DSC2: variants seen among roughly 807,000 people sequenced by gnomAD.
The protein encoded by DSC2 is desmocollin-2.
Under a neutral mutation model 87.6 loss-of-function variants are expected in DSC2, and 51 were observed. The ratio of observed to expected loss-of-function variants is 0.58; its 90% CI spans 0.46 to 0.74. The LOEUF is 0.74. Ranked by LOEUF, DSC2 falls within the 30% of genes least tolerant of loss-of-function variation. The pLI is 0.00. For missense variants in DSC2, 1,066 were observed against 1,089.5 expected, an observed-to-expected ratio of 0.98 and a Z score of 0.30; for synonymous variants, 383 against 393.2, an observed-to-expected ratio of 0.97 and a Z score of 0.31.
chr18:31,079,188 T>G (rs1987120468), intron 11 of DSC2, among the ~76,000 whole-genome samples: 1 of 152,184 alleles, frequency 6.6e-6, no homozygotes, highest in Non-Finnish European at 1.5e-5. Context: ...TCCTACAAAG[T>G]GAACACTTTA....
intron 15 of DSC2, chr18:31,068,432 G>T: frequency 7.3e-7 from 1 of 1,360,852 alleles, no homozygotes; most frequent in Non-Finnish European, 1.1e-6. Flanking sequence ...CACGCATGTG[G>T]CAGCAAGTAT....
chr18:31,067,918 C>G lies in DSC2; in HGVS notation c.*97G>C. 9.0e-7 allele frequency: 1 copy of G among 1,113,388 alleles called. No individual in the cohort carries two copies. Among genetic ancestry groups the G allele is most frequent in the Non-Finnish European group, 1.3e-6 (1 of 756,750 alleles). The allele number at this position is 1,113,388 out of a possible 1,614,324, so 69.0% of individuals were successfully genotyped here. ...CCATCCAAATAATGAGAGAAAAACC[C>G]CCACAAATAGCATCTTCTGCTTTAA... On this transcript the variant is annotated 3_prime_UTR_variant, in exon 16 of 16. Transcript: ENST00000280904.
At chr18:31,072,955 C>G (rs1195496629) in intron 12 of DSC2, among the ~76,000 whole-genome samples, 1 of 152,152 alleles carries the variant, frequency 6.6e-6, no homozygotes, top group Non-Finnish European at 1.5e-5. Flanking sequence ...TGCATTATCT[C>G]ATTTACTCCC....
rs1192707077 is a variant in DSC2, at chr18:31,062,927, T to A, written c.*5088A>T. 1 of 152,228 alleles carries A rather than the reference T, an allele frequency of 6.6e-6. No individual in the cohort carries two copies. Among genetic ancestry groups the A allele is most frequent in the Non-Finnish European group, 1.5e-5 (1 of 68,040 alleles). 9.4% of individuals were successfully genotyped at this position (152,228 alleles called of 1,614,324 possible). ...AGTGCAGAATCTAACATACACCATG[T>A]CTATCATGTAAAATTTATGCCACAG... On this transcript the variant is annotated 3_prime_UTR_variant, in exon 16 of 16. Coordinates refer to ENST00000280904, the MANE Select transcript of DSC2 (RefSeq NM_024422.6).
rs753856534 is a variant in DSC2 at position 31,062,177 on chromosome 18, AC to A, written c.*5837del. On this transcript the variant is annotated 3_prime_UTR_variant, in exon 16 of 16. Transcript: ENST00000280904. ...CACATGAGCACGGTGGTTTCCTGTTACAGAATGTTCTCCCAGCCTAACATGG... is the reference window on the plus strand; with the variant it reads ...CACATGAGCACGGTGGTTTCCTGTTAAGAATGTTCTCCCAGCCTAACATGG... The A allele has an allele frequency of 7.2e-5, 11 of 152,192 alleles. No homozygotes were observed. The highest frequency in any genetic ancestry group is 1.5e-4 in the Non-Finnish European group (10 of 68,028). 9.4% of individuals were successfully genotyped at this position (152,192 alleles called of 1,614,324 possible). A position where few individuals can be genotyped will look rare whatever the true frequency, so the allele number is the denominator to read the frequency against.
At chr18:31,100,228 G>A (rs1987894076) in intron 1 of DSC2, among the ~76,000 whole-genome samples, 1 of 152,110 alleles carries the variant, frequency 6.6e-6, no homozygotes, top group African/African-American at 2.4e-5. Context: ...AAACTCCGAA[G>A]CTAAGGAAGA....
In DSC2 at chr18:31,102,369, C is replaced by G. The variant is rs1987998873; in HGVS notation, c.-398G>C. The G allele has an allele frequency of 5.8e-6, 1 of 171,516 alleles. No homozygotes were observed. Among genetic ancestry groups the G allele is most frequent in the Non-Finnish European group, 1.2e-5 (1 of 81,358 alleles). 10.6% of individuals were successfully genotyped at this position (171,516 alleles called of 1,614,324 possible). On this transcript the variant is annotated 5_prime_UTR_variant, in exon 1 of 16. Coordinates refer to ENST00000280904, the MANE Select transcript of DSC2 (RefSeq NM_024422.6). ...CATCTCCCCCACCACGCCCCGGTGTCCGCTCCGCCAGGCGAGATTAACAGC... is the reference window on the plus strand; with the variant it reads ...CATCTCCCCCACCACGCCCCGGTGTGCGCTCCGCCAGGCGAGATTAACAGC...
chr18:31,076,221 C>T (rs370061197), intron 11 of DSC2, among the ~76,000 whole-genome samples: 107 of 152,290 alleles, frequency 7.0e-4, no homozygotes, highest in African/African-American at 2.5e-3. Context: ...AGCACAGCAA[C>T]TAGACTCGTG....
At chr18:31,075,755 C>T (rs1043164659) in intron 11 of DSC2, among the ~76,000 whole-genome samples, 1 of 152,000 alleles carries the variant, frequency 6.6e-6, no homozygotes, top group Non-Finnish European at 1.5e-5. Context: ...GAGGTTGAGG[C>T]AAGAGAATCG....
At position 31,082,856 on chromosome 18, in the gene DSC2, C is replaced by G. The variant is rs897118886; in HGVS notation, c.1077+70G>C. On this transcript the variant is annotated intron_variant, in intron 8 of 15. Transcript: ENST00000280904. ...TACAGGCGTGAGCCACTGCGCCAGG[C>G]CAGAGATGTGCATATTAAACAATTA... 8 of 1,561,928 alleles carry G rather than the reference C, an allele frequency of 5.1e-6. No homozygotes were observed. In the African/African-American group the frequency reaches 1.1e-4, roughly 21 times the overall value.
rs1216022288 is a variant in DSC2 at position 31,064,237 on chromosome 18, T to A, written c.*3778A>T. 6.6e-6 allele frequency: 1 copy of A among 152,180 alleles called. No individual in the cohort carries two copies. Among genetic ancestry groups the A allele is most frequent in the Non-Finnish European group, 1.5e-5 (1 of 68,046 alleles). The allele number at this position is 152,180 out of a possible 1,614,324, so 9.4% of individuals were successfully genotyped here. A position where few individuals can be genotyped will look rare whatever the true frequency, so the allele number is the denominator to read the frequency against. ...TTACTATGTGCCAGGCATTGTGTGA[T>A]GTGTTTTACAGGCATTAGCCCACTC... On this transcript the variant is annotated 3_prime_UTR_variant, in exon 16 of 16. Transcript: ENST00000280904.
intron 1 of DSC2, among the ~76,000 whole-genome samples, chr18:31,100,153 C>T (rs943111564): frequency 6.6e-6 from 1 of 152,192 alleles, no homozygotes; most frequent in Non-Finnish European, 1.5e-5. Context: ...GTGCACAGAG[C>T]AAAAACCAGC....
intron 1 of DSC2, among the ~76,000 whole-genome samples, chr18:31,097,163 C>G (rs918754223): frequency 6.6e-6 from 1 of 151,656 alleles, no homozygotes; most frequent in East Asian, 1.9e-4. Flanking sequence ...TGGCGGGCAC[C>G]GGTAGTCCCG....
rs1986526070 is a variant in DSC2, at chr18:31,062,786, C to G, written c.*5229G>C. 6.6e-6 allele frequency: 1 copy of G among 152,148 alleles called. No individual in the cohort carries two copies. The highest frequency in any genetic ancestry group is 1.5e-5 in the Non-Finnish European group (1 of 68,042). The allele number at this position is 152,148 out of a possible 1,614,324, so 9.4% of individuals were successfully genotyped here. ...GACACTACCCCTTCTGTCTGCCCCT[C>G]TCACTATCCCAAGGGAGAAGGGATT... On this transcript the variant is annotated 3_prime_UTR_variant, in exon 16 of 16. Transcript: ENST00000280904.
chr18:31,090,524 C>T (rs549137968), intron 4 of DSC2, among the ~76,000 whole-genome samples: 2 of 151,872 alleles, frequency 1.3e-5, no homozygotes, highest in Non-Finnish European at 2.9e-5. Flanking sequence ...GAGTTCAAAA[C>T]CAGCCTAAGC....
chr18:31,082,043 A>T (rs1052332704), intron 9 of DSC2, among the ~76,000 whole-genome samples, 195 bp downstream of exon 9: 4 of 129,200 alleles, frequency 3.1e-5, no homozygotes, highest in South Asian at 2.3e-4. Context: ...GGACTTTTTA[A>T]AAAAAAAAAT....
At chr18:31,099,165 A>C (rs1338015837) in intron 1 of DSC2, among the ~76,000 whole-genome samples, 1 of 152,224 alleles carries the variant, frequency 6.6e-6, no homozygotes, top group Non-Finnish European at 1.5e-5. Flanking sequence ...TTAATTTAGT[A>C]TATGTTGGCA....
chr18:31,101,394 C>T (rs1987944373), intron 1 of DSC2, among the ~76,000 whole-genome samples: 2 of 152,106 alleles, frequency 1.3e-5, no homozygotes, highest in Admixed American at 6.5e-5. Context: ...TTCCCCTTTC[C>T]GTGGCCTGGG....
Position 31,064,741 on chromosome 18 carries a change from A to C in DSC2, c.*3274T>G, listed in dbSNP as rs1385365022. ...TTGAATATTTAAGGAGGTGAAAAACAAGATGATTCTAGGCACAAAGAAGGG... is the reference window on the plus strand; with the variant it reads ...TTGAATATTTAAGGAGGTGAAAAACCAGATGATTCTAGGCACAAAGAAGGG... On this transcript the variant is annotated 3_prime_UTR_variant, in exon 16 of 16. Coordinates refer to ENST00000280904, the MANE Select transcript of DSC2 (RefSeq NM_024422.6). 6.6e-6 allele frequency: 1 copy of C among 152,210 alleles called. No homozygotes were observed. The highest frequency in any genetic ancestry group is 2.4e-5 in the African/African-American group (1 of 41,442). 9.4% of individuals were successfully genotyped at this position (152,210 alleles called of 1,614,324 possible).
Sources: allele counts gnomAD v4.1 joint callset (sites outside exome capture counted in the v4.1 genomes callset), GRCh38; gene constraint gnomAD v4.1.1; transcripts MANE v1.5; gene names NCBI Gene and HGNC (gene_info 2026-07-23, HGNC 2026-07-21).